Variants in GAB4 observed in about 807,000 individuals in gnomAD.
The protein encoded by GAB4 is GRB2 associated binding protein family member 4, also known as GRB2-associated-binding protein 4.
GAB4 carries 26 observed loss-of-function variants against 51.3 expected under a neutral mutation model. The ratio of observed to expected loss-of-function variants is 0.51; its 90% CI spans 0.37 to 0.70. GAB4 has a LOEUF of 0.70. Ranked by LOEUF, GAB4 falls within the 30% of genes least tolerant of loss-of-function variation. The pLI is 0.00. For missense variants in GAB4, 759 were observed against 734.6 expected (o/e 1.03, Z -0.38); for synonymous variants, 329 against 291.2 (o/e 1.13, Z -1.32).
intron 3 of GAB4, among the ~76,000 whole-genome samples, chr22:16,980,845 A>G (rs932410836): frequency 5.3e-5 from 8 of 152,222 alleles, no homozygotes; most frequent in Non-Finnish European, 1.2e-4. Flanking sequence ...GAATGAGTTC[A>G]CGTCCTTTGC....
chr22:16,968,252 T>C (rs758414277), intron 5 of GAB4, 46 bp downstream of exon 5: 4 of 1,320,484 alleles, frequency 3.0e-6, no homozygotes, highest in Non-Finnish European at 4.4e-6. Flanking sequence ...GTGTGACCTT[T>C]ACCTCCCTGA....
At position 16,963,732 on chromosome 22, in the gene GAB4, G is replaced by A. The variant is rs368681956; in HGVS notation, c.1574C>T (p.Pro525Leu). 21 of 1,612,720 alleles carry A rather than the reference G, an allele frequency of 1.3e-5. No homozygotes were observed. Among genetic ancestry groups the A allele is most frequent in the South Asian group, 6.6e-5 (6 of 91,026 alleles). ...CAGCTCCACCCCAGGCACCTTGCTCGGCTGGAAGTCCAGGGCCGCGTAGTG... is the reference window on the plus strand; with the variant it reads ...CAGCTCCACCCCAGGCACCTTGCTCAGCTGGAAGTCCAGGGCCGCGTAGTG... ...NIHYAALDFQ[P>L]SKPSIGSVTS... The change falls in exon 9 of 10, where the codon CCG becomes CTG. Residue 525 changes from proline to leucine, a missense_variant. By Grantham distance (98) the Pro-to-Leu change is moderately conservative (BLOSUM62 -3). Around this residue, in one of 3 missense-constraint regions of GAB4, gnomAD observed 588 missense variants for 510.2 expected, o/e 1.15. Coordinates refer to ENST00000400588, the MANE Select transcript of GAB4 (RefSeq NM_001037814.1).
chr22:16,963,646 C>A, intron 9 of GAB4, 79 bp downstream of exon 9: 2 of 974,680 alleles, frequency 2.1e-6, no homozygotes, highest in South Asian at 1.4e-5. Context: ...CCAGTGCTGC[C>A]GGTGCTGAAG....
At chr22:16,992,573 T>A (rs1323147305) in intron 1 of GAB4, among the ~76,000 whole-genome samples, 2 of 152,220 alleles carry the variant, frequency 1.3e-5, no homozygotes, top group Non-Finnish European at 2.9e-5. Flanking sequence ...GAAGCAACAA[T>A]GTCAGAAGCA....
At chr22:16,969,391 T>C (rs1446900817) in intron 4 of GAB4, among the ~76,000 whole-genome samples, 2 of 152,258 alleles carry the variant, frequency 1.3e-5, no homozygotes, top group Non-Finnish European at 2.9e-5. Context: ...TCTCCCTTAG[T>C]GGAGGCCAAG....
chr22:16,981,198 G>C lies in GAB4; in HGVS notation c.686+6762C>G, dbSNP rs183940430. Among the ~76,000 whole-genome samples the C allele has an allele frequency of 2.1e-4, 32 of 149,194 alleles. No individual in the cohort carries two copies. The East Asian group carries it at 5.1e-3, about 24-fold the overall frequency. Reference sequence around the variant, plus strand: ...ATATAAATATAAAATATAGTAAGGAGTAGAAAAAAACTAAATGATGCCCCT... The same window carrying C: ...ATATAAATATAAAATATAGTAAGGACTAGAAAAAAACTAAATGATGCCCCT... On this transcript the variant is annotated intron_variant, in intron 3 of 9. Transcript: ENST00000400588.
intron 1 of GAB4, among the ~76,000 whole-genome samples, chr22:16,998,289 C>T (rs2060967046): frequency 6.6e-6 from 1 of 152,182 alleles, no homozygotes; most frequent in Non-Finnish European, 1.5e-5. Flanking sequence ...ATGGAATGTT[C>T]TTCCATTTGT....
intron 4 of GAB4, among the ~76,000 whole-genome samples, chr22:16,969,319 A>T (rs769107499): frequency 3.9e-5 from 6 of 152,242 alleles, no homozygotes; most frequent in Admixed American, 6.5e-5. Context: ...AAACATACAT[A>T]CACTATGATG....
At chr22:16,992,893 T>C (rs1261101055) in intron 1 of GAB4, among the ~76,000 whole-genome samples, 3 of 152,140 alleles carry the variant, frequency 2.0e-5, no homozygotes, top group African/African-American at 7.2e-5. Flanking sequence ...GCTAATTCTT[T>C]AATATATTTT....
At position 16,966,315 on chromosome 22, in the gene GAB4, C is replaced by T. The variant is rs1307205872; in HGVS notation, c.1073G>A (p.Ser358Asn). 6.2e-7 allele frequency: 1 copy of T among 1,613,634 alleles called. No individual in the cohort carries two copies. Among genetic ancestry groups the T allele is most frequent in the Non-Finnish European group, 8.5e-7 (1 of 1,179,858 alleles). Residue 358 changes from serine to asparagine, a missense_variant, in exon 6 of 10, where the codon AGC (serine) becomes AAC (asparagine). Transcript: ENST00000400588. Reference sequence around the variant, plus strand: ...GGAGCCTGGGTTCATGGGCACACAGCTGCCCTCAGAAGCAATGCTGTCTGA... The same window carrying T: ...GGAGCCTGGGTTCATGGGCACACAGTTGCCCTCAGAAGCAATGCTGTCTGA... ...GLSDSIASEG[S>N]CVPMNPGSPT...
chr22:16,976,195 C>T (rs1290831295), intron 3 of GAB4, among the ~76,000 whole-genome samples: 1 of 152,208 alleles, frequency 6.6e-6, no homozygotes, highest in East Asian at 1.9e-4. Flanking sequence ...CAGAAGTAGG[C>T]TTCAGCAGAT....
chr22:16,964,715 G>A, intron 8 of GAB4, 51 bp downstream of exon 8: 1 of 1,309,576 alleles, frequency 7.6e-7, no homozygotes, highest in South Asian at 1.2e-5. Context: ...ACATGAGTGT[G>A]GGTCCCAGGG....
Position 16,968,344 on chromosome 22 carries a change from G to A in GAB4, c.977C>T (p.Ala326Val). 2 of 1,614,058 alleles carry A rather than the reference G, an allele frequency of 1.2e-6. No homozygotes were observed. Among genetic ancestry groups the A allele is most frequent in the Non-Finnish European group, 8.5e-7 (1 of 1,179,958 alleles). The part of the protein sequence containing the change: ...GKYTQHGGGN[A>V]SRPAESMHEG... Reference sequence around the variant, plus strand: ...ATGCATGGACTCAGCAGGCCGGCTGGCATTCCCTCCACCATGCTGGGTGTA... The same window carrying A: ...ATGCATGGACTCAGCAGGCCGGCTGACATTCCCTCCACCATGCTGGGTGTA... The change falls in exon 5 of 10, where the codon GCC (alanine) becomes GTC (valine). Residue 326 changes from alanine to valine, a missense_variant. By Grantham distance (64) the Ala-to-Val change is moderately conservative. Transcript: ENST00000400588.
At chr22:16,977,117 C>A (rs2060785241) in intron 3 of GAB4, among the ~76,000 whole-genome samples, 1 of 152,128 alleles carries the variant, frequency 6.6e-6, no homozygotes, top group African/African-American at 2.4e-5. Context: ...CATCAACTAG[C>A]AGTCAAAATA....
At position 16,966,372 on chromosome 22, in the gene GAB4, G is replaced by A. The variant is rs2060675266; in HGVS notation, c.1024-8C>T. 5 of 1,606,018 alleles carry A rather than the reference G, an allele frequency of 3.1e-6. No homozygotes were observed. The highest frequency in any genetic ancestry group is 1.1e-5 in the South Asian group (1 of 90,934). ...CACAAGCGTTCTTCCTGGCTAGGAA[G>A]AGGACAGTGAAAGAAACACAGCTAT... On this transcript the variant is annotated splice_region_variant and splice_polypyrimidine_tract_variant and intron_variant, in intron 5 of 9. Coordinates refer to ENST00000400588, the MANE Select transcript of GAB4 (RefSeq NM_001037814.1).
At chr22:16,975,800 T>C (rs532551020) in intron 3 of GAB4, among the ~76,000 whole-genome samples, 1 of 152,130 alleles carries the variant, frequency 6.6e-6, no homozygotes, top group Non-Finnish European at 1.5e-5. Context: ...GGGATGAAGC[T>C]TCCAGAGCAA....
chr22:16,991,051 A>C (rs1261084443), intron 2 of GAB4, among the ~76,000 whole-genome samples: 4 of 152,136 alleles, frequency 2.6e-5, no homozygotes, highest in African/African-American at 9.7e-5. Context: ...AAAATCTAAA[A>C]TATTTACAGG....
chr22:16,962,793 G>C lies in GAB4; in HGVS notation c.1665C>G (p.Thr555=). 1.2e-6 allele frequency: 2 copies of C among 1,613,696 alleles called. No homozygotes were observed. Among genetic ancestry groups the C allele is most frequent in the Non-Finnish European group, 8.5e-7 (1 of 1,179,912 alleles). Residue 555 remains threonine (T), a synonymous_variant, in exon 10 of 10, where the codon ACC becomes ACG. Transcript: ENST00000400588. The stretch of plus-strand genomic sequence containing the variant: ...GCCGCAGGCACATCTGTTCATGCAT[G>C]GTCTTCTGCAGGGCCTGGGTCTTCT... ...DLEKTQALQK[T]MHEQMCLRQS... is the part of the protein sequence containing the mutation.
intron 1 of GAB4, 65 bp from the exon 2 acceptor site, chr22:16,992,241 G>A: frequency 7.0e-7 from 1 of 1,421,374 alleles, no homozygotes; most frequent in East Asian, 2.3e-5. Flanking sequence ...ACAGGTCTGA[G>A]ACATCACTAA....
Sources: allele counts gnomAD v4.1 joint callset (sites outside exome capture counted in the v4.1 genomes callset), GRCh38; gene constraint gnomAD v4.1.1; regional missense constraint gnomAD v4.1.1; transcripts MANE v1.5; gene names NCBI Gene and HGNC (gene_info 2026-07-23, HGNC 2026-07-21).